Variants in ULK4 observed in about 807,000 individuals in gnomAD.
The protein encoded by ULK4 is unc-51 like kinase 4, also known as inactive serine/threonine-protein kinase ULK4.
Under a neutral mutation model 160.6 loss-of-function variants are expected in ULK4, and 133 were observed. That is an observed-to-expected ratio of 0.83 (90% CI 0.72 to 0.96). ULK4 has a LOEUF of 0.96. Among genes scored for constraint, ULK4 ranks in the 40% least tolerant of loss-of-function variants. The pLI is 0.00. For missense variants in ULK4, 1,580 were observed against 1,499.5 expected, an observed-to-expected ratio of 1.05 and a Z score of -0.89; for synonymous variants, 534 against 539.8, an observed-to-expected ratio of 0.99 and a Z score of 0.15.
intron 21 of ULK4, among the ~76,000 whole-genome samples, chr3:41,775,833 T>C (rs897108456): frequency 6.6e-6 from 1 of 151,062 alleles, no homozygotes; most frequent in East Asian, 1.9e-4. Flanking sequence ...GATTTATCCA[T>C]GTTAATTCTT....
intron 5 of ULK4, 56 bp downstream of exon 5, chr3:41,931,788 G>A: frequency 2.5e-6 from 4 of 1,588,850 alleles, no homozygotes; most frequent in Non-Finnish European, 3.4e-6. Flanking sequence ...CTAAACACAG[G>A]ACTTGGATGG....
At chr3:41,288,428 T>C (rs758374891) in intron 35 of ULK4, among the ~76,000 whole-genome samples, 2 of 151,628 alleles carry the variant, frequency 1.3e-5, no homozygotes, top group Non-Finnish European at 2.9e-5. Flanking sequence ...TGGTGCCTTC[T>C]GGGAAAGATC....
At chr3:41,606,107 G>T (rs1185591360) in intron 31 of ULK4, among the ~76,000 whole-genome samples, 2 of 151,826 alleles carry the variant, frequency 1.3e-5, no homozygotes, top group East Asian at 3.9e-4. Context: ...GTGCTTAGGG[G>T]GACATTTTAG....
At chr3:41,337,141 C>A (rs904875286) in intron 35 of ULK4, among the ~76,000 whole-genome samples, 2 of 152,100 alleles carry the variant, frequency 1.3e-5, no homozygotes, top group African/African-American at 4.8e-5. Flanking sequence ...AGATCCAGGT[C>A]TTATGATTTA....
At chr3:41,748,806 A>G (rs1342440658) in intron 22 of ULK4, among the ~76,000 whole-genome samples, 5 of 152,212 alleles carry the variant, frequency 3.3e-5, no homozygotes. Flanking sequence ...ATAGTATGCT[A>G]TGAATACTGT....
chr3:41,624,646 A>ATG (rs1426357095), intron 30 of ULK4, among the ~76,000 whole-genome samples: 1 of 152,184 alleles, frequency 6.6e-6, no homozygotes, highest in African/African-American at 2.4e-5. Context: ...TCTAAACATA[A>ATG]TTTAGAGCTA....
chr3:41,511,328 CA>C (rs1383194768), intron 32 of ULK4, among the ~76,000 whole-genome samples: 3 of 151,362 alleles, frequency 2.0e-5, no homozygotes, highest in African/African-American at 7.3e-5. Context: ...ACAAAAAATA[CA>C]AAAGAGAAAT....
At chr3:41,336,318 T>C (rs1366863718) in intron 35 of ULK4, among the ~76,000 whole-genome samples, 1 of 152,164 alleles carries the variant, frequency 6.6e-6, no homozygotes, top group Non-Finnish European at 1.5e-5. Flanking sequence ...CTACAATCAG[T>C]TTAAAGCTTA....
At chr3:41,897,221 G>C (rs1698190337) in intron 14 of ULK4, among the ~76,000 whole-genome samples, 1 of 151,988 alleles carries the variant, frequency 6.6e-6, no homozygotes, top group Non-Finnish European at 1.5e-5. Flanking sequence ...CACTTCAATG[G>C]AAAACTATAC....
chr3:41,513,835 G>T (rs1286128722), intron 32 of ULK4, among the ~76,000 whole-genome samples: 2 of 152,182 alleles, frequency 1.3e-5, no homozygotes, highest in Admixed American at 6.5e-5. Context: ...ACGGAGCTGA[G>T]GGATAAGACT....
chr3:41,797,263 G>A (rs2040327934), intron 20 of ULK4, among the ~76,000 whole-genome samples: 2 of 151,988 alleles, frequency 1.3e-5, no homozygotes, highest in Admixed American at 6.6e-5. Context: ...AACAGAGACT[G>A]TATATGAGCT....
intron 4 of ULK4, among the ~76,000 whole-genome samples, chr3:41,933,766 T>C (rs1699671809): frequency 6.6e-6 from 1 of 152,210 alleles, no homozygotes; most frequent in East Asian, 1.9e-4. Context: ...AATGTGGTTT[T>C]TAGCCAGGCA....
At position 41,671,361 on chromosome 3, in the gene ULK4, C is replaced by A. The variant is rs114119506; in HGVS notation, c.2979-7662G>T. On this transcript the variant is annotated intron_variant, in intron 29 of 36. Coordinates refer to ENST00000301831, the MANE Select transcript of ULK4 (RefSeq NM_017886.4). ...AAATATATTACAAAGTTATAGTAAC[C>A]AAAACAGCATGGTATTGGTATAAAA... Among the ~76,000 whole-genome samples the A allele has an allele frequency of 5.0e-3, 763 of 152,112 alleles. 9 individuals are homozygous for A. Among genetic ancestry groups the A allele is most frequent in the Non-Finnish European group, 8.3e-3 (561 of 67,942 alleles).
intron 32 of ULK4, among the ~76,000 whole-genome samples, chr3:41,464,076 A>G (rs1327355707): frequency 6.6e-6 from 1 of 152,124 alleles, no homozygotes; most frequent in Non-Finnish European, 1.5e-5. Flanking sequence ...AAGCACGGCA[A>G]GGAAGTCTGA....
At chr3:41,766,326 T>C (rs1167996672) in intron 21 of ULK4, among the ~76,000 whole-genome samples, 1 of 152,202 alleles carries the variant, frequency 6.6e-6, no homozygotes, top group Non-Finnish European at 1.5e-5. Context: ...AAATATCTAC[T>C]ACATACTTAC....
At chr3:41,699,929 T>C (rs1460152922) in intron 27 of ULK4, among the ~76,000 whole-genome samples, 1 of 152,220 alleles carries the variant, frequency 6.6e-6, no homozygotes, top group Non-Finnish European at 1.5e-5. Flanking sequence ...AATTAATTTC[T>C]ATTTGAATGC....
chr3:41,340,324 A>T (rs2080655444), intron 35 of ULK4, among the ~76,000 whole-genome samples: 2 of 152,248 alleles, frequency 1.3e-5, no homozygotes, highest in South Asian at 2.1e-4. Flanking sequence ...AGCTAATGCA[A>T]ATACAGGCCT....
chr3:41,838,017 G>A (rs1447352154), intron 17 of ULK4, among the ~76,000 whole-genome samples: 3 of 152,112 alleles, frequency 2.0e-5, no homozygotes, highest in Non-Finnish European at 4.4e-5. Flanking sequence ...CTTGCAGCAG[G>A]TCACTTCTAC....
chr3:41,647,501 A>T (rs893561872), intron 30 of ULK4, among the ~76,000 whole-genome samples: 1 of 152,176 alleles, frequency 6.6e-6, no homozygotes, highest in Non-Finnish European at 1.5e-5. Context: ...GTGGCTGCAG[A>T]ACAGCGGATT....
Sources: gnomAD v4.1 joint callset for allele counts (sites outside exome capture counted in the v4.1 genomes callset) on GRCh38, gnomAD v4.1.1 for gene constraint, MANE v1.5 for transcripts, NCBI Gene and HGNC (gene_info 2026-07-23, HGNC 2026-07-21) for gene names.